Variants in BEST3 observed in about 807,000 individuals in gnomAD.
BEST3 encodes bestrophin 3, also known as bestrophin-3.
A neutral mutation model predicts 47.1 loss-of-function variants in BEST3; 50 were observed. The ratio of observed to expected loss-of-function variants is 1.06; its 90% confidence interval spans 0.85 to 1.34. The LOEUF (loss-of-function observed/expected upper bound fraction) is 1.34. Ranked by LOEUF, BEST3 falls within the 40% of genes most tolerant of loss-of-function variation. The probability of loss-of-function intolerance (pLI) is 0.00; values close to 1 mark genes in which losing one functional copy is unlikely to be tolerated. For missense variants in BEST3, 765 were observed against 817.0 expected (o/e 0.94, Z 0.78); for synonymous variants, 282 against 298.8 (o/e 0.94, Z 0.58).
At chr12:69,699,076 C>A in intron 1 of BEST3, 129 bp downstream of exon 1, 2 of 439,852 alleles carry the variant, frequency 4.5e-6, no homozygotes, top group Non-Finnish European at 6.0e-6. Context: ...TTTTAAATAA[C>A]AGTCCTTAAT....
At chr12:69,676,143 C>T (rs1202021449) in intron 7 of BEST3, among the ~76,000 whole-genome samples, 3 of 152,144 alleles carry the variant, frequency 2.0e-5, no homozygotes, top group Non-Finnish European at 4.4e-5. Context: ...GTTAGGCAAA[C>T]CATTCTCACC....
Position 69,654,698 on chromosome 12 carries a change from T to A in BEST3, c.*209A>T. Reference sequence around the variant, plus strand: ...TCTGTGTAACTTCTGATGAAAGCCATGTTGTGTTGGATGACGTGAATGCGT... The same window carrying A: ...TCTGTGTAACTTCTGATGAAAGCCAAGTTGTGTTGGATGACGTGAATGCGT... On this transcript the variant is annotated 3_prime_UTR_variant, in exon 10 of 10. Coordinates refer to ENST00000330891, the MANE Select transcript of BEST3 (RefSeq NM_032735.3). 7.6e-7 allele frequency: 1 copy of A among 1,317,858 alleles called. No individual in the cohort carries two copies. The highest frequency in any genetic ancestry group is 9.7e-7 in the Non-Finnish European group (1 of 1,034,552). The allele number at this position is 1,317,858 out of a possible 1,614,324, so 81.6% of individuals were successfully genotyped here. A position where few individuals can be genotyped will look rare whatever the true frequency, so the allele number is the denominator to read the frequency against.
chr12:69,694,666 T>C (rs1436934897), intron 2 of BEST3, among the ~76,000 whole-genome samples: 1 of 152,210 alleles, frequency 6.6e-6, no homozygotes, highest in Admixed American at 6.5e-5. Context: ...TTTGTAAACA[T>C]GATTGGCTAT....
rs748561508 is a variant in BEST3, at chr12:69,655,568, G to A, written c.1346C>T (p.Thr449Ile). The A allele has an allele frequency of 1.4e-5, 23 of 1,613,970 alleles. 1 individual carries two copies. In the South Asian group the frequency reaches 2.2e-4, roughly 15 times the overall value. The part of the protein sequence containing the change: ...PSRNPPRASP[T>I]WKKSCFPEGS... ...TTCTGGGAAGCAGGATTTCTTCCAG[G>A]TGGGTGAGGCCCTGGGGGGGTTTCT... The change falls in exon 10 of 10, where the codon ACC (threonine) becomes ATC (isoleucine). Residue 449 changes from threonine (T) to isoleucine (I), a missense_variant. Physicochemically the swap from Thr to Ile is moderately conservative, Grantham distance 89. Coordinates refer to ENST00000330891, the MANE Select transcript of BEST3 (RefSeq NM_032735.3).
chr12:69,693,229 CTT>C (rs1885991240), intron 4 of BEST3, among the ~76,000 whole-genome samples: 1 of 147,860 alleles, frequency 6.8e-6, no homozygotes, highest in Non-Finnish European at 1.5e-5. Context: ...CTTTCCTTTT[CTT>C]TCTCTCTCTC....
At chr12:69,651,088 G>A (rs946482395), downstream of BEST3, among the ~76,000 whole-genome samples, 3 of 151,996 alleles carry the variant, frequency 2.0e-5, no homozygotes, top group South Asian at 6.2e-4. Context: ...TCTAAAAAAA[G>A]AAGGAAAGCT....
In BEST3 at chr12:69,654,439, A is replaced by AG; in HGVS notation, c.*467dup. On this transcript the variant is annotated 3_prime_UTR_variant, in exon 10 of 10. Transcript: ENST00000330891. ...GCCTCAAACAAAAACGTTAGGAAGG[A>AG]GGGGATCTTTCAGGCATTAGGTGAT... is the stretch of plus-strand genomic sequence containing the variant. 1.0e-6 allele frequency: 1 copy of AG among 986,542 alleles called. No homozygotes were observed. The highest frequency in any genetic ancestry group is 1.2e-6 in the Non-Finnish European group (1 of 830,746). 61.1% of individuals were successfully genotyped at this position (986,542 alleles called of 1,614,324 possible). A position where few individuals can be genotyped will look rare whatever the true frequency, so the allele number is the denominator to read the frequency against.
At chr12:69,651,194 A>G (rs1417564089), downstream of BEST3, among the ~76,000 whole-genome samples, 3 of 152,248 alleles carry the variant, frequency 2.0e-5, no homozygotes, top group Non-Finnish European at 4.4e-5. Context: ...TCTGAAGTTC[A>G]TAGTGAATCC....
chr12:69,653,549 A>C, downstream of BEST3: 1 of 750,240 alleles, frequency 1.3e-6, no homozygotes, highest in Non-Finnish European at 1.6e-6. Context: ...TGGAAATAAC[A>C]GTATATCAGT....
chr12:69,689,056 A>C (rs1316963049), intron 4 of BEST3: 2 of 984,082 alleles, frequency 2.0e-6, no homozygotes, highest in Non-Finnish European at 2.4e-6. Flanking sequence ...TGGGGCCCTC[A>C]GTGCTTTACT....
At chr12:69,683,780 T>C (rs10879007) in intron 4 of BEST3, 109,452 of 152,126 alleles carry the variant, frequency 0.72, 39,434 homozygotes, top group South Asian at 0.81. Flanking sequence ...ATCCTCAACC[T>C]TGGCAAAATA....
At chr12:69,656,512 C>T (rs972639145) in intron 9 of BEST3, among the ~76,000 whole-genome samples, 2 of 151,900 alleles carry the variant, frequency 1.3e-5, no homozygotes, top group Non-Finnish European at 1.5e-5. Flanking sequence ...CACGAGCGTG[C>T]GATGCCCAGC....
Position 69,693,799 on chromosome 12 carries a change from T to C in BEST3, c.356A>G (p.Glu119Gly). 5.0e-6 allele frequency: 8 copies of C among 1,614,204 alleles called. No individual in the cohort carries two copies. The highest frequency in any genetic ancestry group is 6.8e-6 in the Non-Finnish European group (8 of 1,180,036). Residue 119 changes from glutamate to glycine, a missense_variant, in exon 4 of 10, where the codon GAG becomes GGG. Physicochemically the swap from Glu to Gly is moderately conservative, Grantham distance 98. Transcript: ENST00000330891. ...CGTCCTTCTAAGCAGGCGCCCGTGC[T>C]CGTCGCTTCCGTGAACACTGCTAGA... ...LISSSVHGSD[E>G]HGRLLRRTLM...
Position 69,671,571 on chromosome 12 carries a change from A to C in BEST3, c.957T>G (p.Leu319=). ...TCATGTGCATTTCGTCCACAGCTAAAAGAGAGACCTAAAATCATTGTTATA... is the reference window on the plus strand; with the variant it reads ...TCATGTGCATTTCGTCCACAGCTAACAGAGAGACCTAAAATCATTGTTATA... ...WCIDRNLQVS[L]LAVDEMHMSL... is the part of the protein sequence containing the mutation. Residue 319 remains leucine, a synonymous_variant, in exon 9 of 10, where the codon CTT becomes CTG. Transcript: ENST00000330891. 6.2e-7 allele frequency: 1 copy of C among 1,613,356 alleles called. No homozygotes were observed. Among genetic ancestry groups the C allele is most frequent in the Non-Finnish European group, 8.5e-7 (1 of 1,179,494 alleles).
At chr12:69,696,574 T>G (rs1334356294) in intron 2 of BEST3, among the ~76,000 whole-genome samples, 1 of 152,152 alleles carries the variant, frequency 6.6e-6, no homozygotes, top group Non-Finnish European at 1.5e-5. Flanking sequence ...ACTTTCCCTC[T>G]AAAAATATTT....
intron 7 of BEST3, among the ~76,000 whole-genome samples, chr12:69,675,508 C>T (rs1670298239): frequency 6.6e-6 from 1 of 152,284 alleles, no homozygotes; most frequent in South Asian, 2.1e-4. Context: ...GCTGGTCAAG[C>T]ACCTTACATG....
At chr12:69,666,052 C>T (rs1213551412) in intron 9 of BEST3, among the ~76,000 whole-genome samples, 2 of 152,134 alleles carry the variant, frequency 1.3e-5, no homozygotes, top group African/African-American at 4.8e-5. Flanking sequence ...CAAGGTCTCG[C>T]TCTGTCACCC....
chr12:69,649,169 C>CT (rs988482421), downstream of BEST3, among the ~76,000 whole-genome samples: 7 of 151,992 alleles, frequency 4.6e-5, no homozygotes, highest in East Asian at 1.9e-4. Flanking sequence ...AATTTTTGTA[C>CT]TTTTTTTTAG....
Position 69,671,564 on chromosome 12 carries a change from C to A in BEST3, c.964G>T (p.Val322Leu). 6.2e-7 allele frequency: 1 copy of A among 1,613,630 alleles called. No homozygotes were observed. Residue 322 changes from valine to leucine, a missense_variant, in exon 9 of 10, where the codon GTG becomes TTG. Val to Leu is a conservative substitution (Grantham distance 32). Transcript: ENST00000330891. ...DRNLQVSLLA[V>L]DEMHMSLPKM... ...GGTAAGCTCATGTGCATTTCGTCCA[C>A]AGCTAAAAGAGAGACCTAAAATCAT... is the stretch of plus-strand genomic sequence containing the variant.
Sources: allele counts gnomAD v4.1 joint callset (sites outside exome capture counted in the v4.1 genomes callset), GRCh38; gene constraint gnomAD v4.1.1; transcripts MANE v1.5; gene names NCBI Gene and HGNC (gene_info 2026-07-23, HGNC 2026-07-21).